The following LPP variants were observed in gnomAD, a reference collection of about 807,000 sequenced individuals.
LPP encodes LIM domain containing preferred translocation partner in lipoma, also known as lipoma-preferred partner.
A neutral mutation model predicts 60.4 loss-of-function variants in LPP; 38 were observed. That is an observed-to-expected ratio of 0.63 (90% confidence interval 0.49 to 0.83). LPP has a LOEUF of 0.83. LPP is among the 40% of genes least tolerant of loss of function. The pLI is 0.00. For missense variants in LPP, 902 were observed against 783.6 expected, an observed-to-expected ratio of 1.15 and a Z score of -1.80; for synonymous variants, 328 against 290.8, an observed-to-expected ratio of 1.13 and a Z score of -1.30.
At chr3:188,852,959 C>T (rs995200745) in intron 9 of LPP, among the ~76,000 whole-genome samples, 2 of 151,990 alleles carry the variant, frequency 1.3e-5, no homozygotes, top group Admixed American at 1.3e-4. Context: ...CCTGGCCAAA[C>T]ATGGTGAAAC....
intron 7 of LPP, among the ~76,000 whole-genome samples, chr3:188,654,788 C>A (rs555943717): frequency 6.6e-6 from 1 of 152,258 alleles, no homozygotes; most frequent in Admixed American, 6.5e-5. Flanking sequence ...TACAAGAATC[C>A]TTTCACAAAT....
chr3:188,591,201 C>T (rs550487981), intron 6 of LPP, among the ~76,000 whole-genome samples: 1 of 152,310 alleles, frequency 6.6e-6, no homozygotes, highest in South Asian at 2.1e-4. Context: ...TTCTTTAAGA[C>T]ATATGCATGA....
At chr3:188,482,921 A>G (rs1229961474) in intron 4 of LPP, among the ~76,000 whole-genome samples, 2 of 152,202 alleles carry the variant, frequency 1.3e-5, no homozygotes, top group East Asian at 1.9e-4. Flanking sequence ...TTAGAAATGA[A>G]GATGGTTGGA....
At chr3:188,835,749 G>T (rs887856251) in intron 9 of LPP, among the ~76,000 whole-genome samples, 3 of 152,222 alleles carry the variant, frequency 2.0e-5, no homozygotes, top group Non-Finnish European at 4.4e-5. Flanking sequence ...TCTCTACCTT[G>T]ATATCAATGG....
At chr3:188,271,870 A>G (rs1182516599) in intron 2 of LPP, among the ~76,000 whole-genome samples, 1 of 152,168 alleles carries the variant, frequency 6.6e-6, no homozygotes, top group Non-Finnish European at 1.5e-5. Context: ...CTTGTGCACA[A>G]TGGCTCCGAG....
At chr3:188,210,818 G>C (rs535075476) in intron 1 of LPP, among the ~76,000 whole-genome samples, 11 of 151,390 alleles carry the variant, frequency 7.3e-5, no homozygotes, top group African/African-American at 2.7e-4. Context: ...ATGCAGGAAG[G>C]GACTCTGAGC....
chr3:188,677,245 T>C (rs1576984216), intron 7 of LPP, among the ~76,000 whole-genome samples: 1 of 152,180 alleles, frequency 6.6e-6, no homozygotes. Context: ...CTCTGCCAAG[T>C]CTTTATTGTT....
intron 7 of LPP, among the ~76,000 whole-genome samples, chr3:188,663,879 C>T (rs1340949050): frequency 6.6e-6 from 1 of 152,118 alleles, no homozygotes; most frequent in Non-Finnish European, 1.5e-5. Context: ...AAGGTTCGCA[C>T]CCCTATGAGA....
At chr3:188,323,501 G>A (rs1351403966) in intron 2 of LPP, among the ~76,000 whole-genome samples, 1 of 152,176 alleles carries the variant, frequency 6.6e-6, no homozygotes, top group Admixed American at 6.5e-5. Context: ...ACTTTGCAAA[G>A]CAGTAGCAGA....
intron 7 of LPP, among the ~76,000 whole-genome samples, chr3:188,669,054 A>G (rs1441046419): frequency 6.6e-6 from 1 of 152,198 alleles, no homozygotes; most frequent in Non-Finnish European, 1.5e-5. Context: ...AAACTTGTGT[A>G]TAGAGTACTA....
intron 4 of LPP, among the ~76,000 whole-genome samples, chr3:188,408,242 A>C (rs1340240684): frequency 6.6e-6 from 1 of 152,130 alleles, no homozygotes; most frequent in Non-Finnish European, 1.5e-5. Flanking sequence ...GGTGTGAGGA[A>C]GTCTTTGTAG....
At chr3:188,255,899 A>T (rs908218158) in intron 2 of LPP, among the ~76,000 whole-genome samples, 2 of 152,312 alleles carry the variant, frequency 1.3e-5, no homozygotes, top group Admixed American at 1.3e-4. Context: ...TTTGCAGGAT[A>T]ATCATTGCAT....
intron 9 of LPP, among the ~76,000 whole-genome samples, chr3:188,862,686 C>G (rs1765456580): frequency 7.4e-6 from 1 of 134,938 alleles, no homozygotes; most frequent in African/African-American, 2.8e-5. Context: ...AAATCCCCAG[C>G]TATCAATGCT....
At chr3:188,192,937 A>T (rs1364689789) in intron 1 of LPP, among the ~76,000 whole-genome samples, 1 of 152,238 alleles carries the variant, frequency 6.6e-6, no homozygotes, top group Non-Finnish European at 1.5e-5. Context: ...GACCATTCTC[A>T]GGGAGATGTT....
chr3:188,691,312 C>T (rs1022175578), intron 7 of LPP, among the ~76,000 whole-genome samples: 7 of 152,166 alleles, frequency 4.6e-5, no homozygotes, highest in African/African-American at 1.7e-4. Flanking sequence ...TAGAGTCATA[C>T]TGGAATCCAG....
chr3:188,185,467 C>A (rs1335949226), intron 1 of LPP, among the ~76,000 whole-genome samples: 1 of 151,948 alleles, frequency 6.6e-6, no homozygotes, highest in Non-Finnish European at 1.5e-5. Flanking sequence ...CCCCTATATA[C>A]CCCACAGTTT....
At chr3:188,725,228 C>T (rs1375296866) in intron 8 of LPP, 1 of 152,204 alleles carries the variant, frequency 6.6e-6, no homozygotes, top group African/African-American at 2.4e-5. Flanking sequence ...TATGCTGGAA[C>T]CTGCTGTGTT....
At chr3:188,647,332 G>A (rs975271907) in intron 7 of LPP, among the ~76,000 whole-genome samples, 6 of 152,228 alleles carry the variant, frequency 3.9e-5, no homozygotes, top group African/African-American at 1.4e-4. Flanking sequence ...GTGCCTGATG[G>A]AAAGTGCCCG....
chr3:188,302,413 A>G (rs181899506), intron 2 of LPP, among the ~76,000 whole-genome samples: 3 of 152,328 alleles, frequency 2.0e-5, no homozygotes, highest in Admixed American at 2.0e-4. Context: ...CAACCTCTGA[A>G]AAGGATCCTG....
Sources: gnomAD v4.1 joint callset for allele counts (sites outside exome capture counted in the v4.1 genomes callset) on GRCh38, gnomAD v4.1.1 for gene constraint, MANE v1.5 for transcripts, NCBI Gene and HGNC (gene_info 2026-07-23, HGNC 2026-07-21) for gene names.